Variants in CELF2 observed in about 807,000 individuals in gnomAD.
The protein encoded by CELF2 is CUGBP Elav-like family member 2.
Under a neutral mutation model 62.6 loss-of-function variants are expected in CELF2, and 8 were observed. The observed-to-expected ratio is 0.13, with a 90% CI of 0.07 to 0.23. The LOEUF (loss-of-function observed/expected upper bound fraction) is 0.23, where lower values mean the gene tolerates loss of function less well. Ranked by LOEUF, CELF2 falls within the 10% of genes least tolerant of loss-of-function variation. CELF2 has a pLI of 1.00. For missense variants in CELF2, 333 were observed against 671.0 expected (o/e 0.50, Z 5.56); for synonymous variants, 258 against 250.0 (o/e 1.03, Z -0.30).
intron 1 of CELF2, among the ~76,000 whole-genome samples, chr10:11,068,585 G>C (rs2068792079): frequency 6.6e-6 from 1 of 151,518 alleles, no homozygotes; most frequent in Non-Finnish European, 1.5e-5. Context: ...TTTTGAGACG[G>C]AGTCTTGCTC....
chr10:10,956,775 A>G (rs2048948158), intron 2 of CELF2, among the ~76,000 whole-genome samples: 1 of 152,034 alleles, frequency 6.6e-6, no homozygotes, highest in Non-Finnish European at 1.5e-5. Context: ...AAAAAGAAAA[A>G]AAAATTTAAT....
the CELF2 span, among the ~76,000 whole-genome samples, chr10:10,614,496 AAAACT>A: frequency 6.6e-6 from 1 of 152,162 alleles, no homozygotes; most frequent in Admixed American, 6.5e-5. Context: ...TAAACAAAAC[AAAACT>A]AAACTAAAGT....
At position 11,318,156 on chromosome 10, in the gene CELF2, G is replaced by A. The variant is rs918559485; in HGVS notation, c.1097-3033G>A. 10 of 153,312 alleles carry A rather than the reference G, an allele frequency of 6.5e-5. No individual in the cohort carries two copies. Among genetic ancestry groups the A allele is most frequent in the African/African-American group, 1.9e-4 (8 of 41,564 alleles). 9.5% of individuals were successfully genotyped at this position (153,312 alleles called of 1,614,324 possible). A position where few individuals can be genotyped will look rare whatever the true frequency, so the allele number is the denominator to read the frequency against. On this transcript the variant is annotated intron_variant, in intron 10 of 12. Coordinates refer to ENST00000633077, the MANE Select transcript of CELF2 (RefSeq NM_001326342.2). This position sits in a 1 kb window ranked among gnomAD's most constrained non-coding sequence, Gnocchi z 5.4. ...AGGTGACTCACAGGAACTGTTCTCA[G>A]AAGTGGAAGGCCGCCTCTGATTGTT...
intron 3 of CELF2, among the ~76,000 whole-genome samples, chr10:11,230,020 C>T (rs1011213374): frequency 2.6e-5 from 4 of 152,178 alleles, no homozygotes; most frequent in African/African-American, 9.7e-5. Context: ...CTTCCGCTTT[C>T]ATCTGGATGT....
chr10:10,730,243 A>G, the CELF2 span, among the ~76,000 whole-genome samples: 113,663 of 152,096 alleles, frequency 0.75, 42,575 homozygotes, highest in South Asian at 0.82. Flanking sequence ...TTGGGAGGCC[A>G]AAGTAGGTGG....
At chr10:10,696,342 A>C in the CELF2 span, among the ~76,000 whole-genome samples, 1 of 151,746 alleles carries the variant, frequency 6.6e-6, no homozygotes, top group South Asian at 2.1e-4. Flanking sequence ...GACCCACTTG[A>C]GGAGGCAGTC....
At chr10:10,763,678 A>G in the CELF2 span, among the ~76,000 whole-genome samples, 1 of 152,230 alleles carries the variant, frequency 6.6e-6, no homozygotes, top group African/African-American at 2.4e-5. Flanking sequence ...ATGAGGCACG[A>G]ACGCGGGAAC....
chr10:11,209,568 T>TA (rs200836163), intron 2 of CELF2, among the ~76,000 whole-genome samples: 10 of 80,064 alleles, frequency 1.2e-4, no homozygotes, highest in African/African-American at 4.4e-4. Flanking sequence ...AGGACTACTC[T>TA]TTTTTTTTTT....
In CELF2 at chr10:11,224,061, T is replaced by C. The variant is rs751696426; in HGVS notation, c.354+6554T>C. 1.3e-5 allele frequency among the ~76,000 whole-genome samples: 2 copies of C among 152,198 alleles called. No individual in the cohort carries two copies. The highest frequency in any genetic ancestry group is 2.9e-5 in the Non-Finnish European group (2 of 68,030). On this transcript the variant is annotated intron_variant, in intron 3 of 12. Coordinates refer to ENST00000633077, the MANE Select transcript of CELF2 (RefSeq NM_001326342.2). This position sits in a 1 kb window ranked among gnomAD's most constrained non-coding sequence, Gnocchi z 4.5. ...TAGTTATTTTTAAAGCATGGCCTAC[T>C]CGGTATAAGGAATTGTACGAGAGAA...
rs546522020 is a variant in CELF2, at chr10:11,335,141, C to T, written c.*6088C>T. 6.6e-6 allele frequency: 1 copy of T among 152,478 alleles called. No homozygotes were observed. Among genetic ancestry groups the T allele is most frequent in the Non-Finnish European group, 1.5e-5 (1 of 68,066 alleles). The allele number at this position is 152,478 out of a possible 1,614,324, so 9.4% of individuals were successfully genotyped here. ...TAATAACGCCATACGCATCCACACA[C>T]TCCCTCCTGGATGAACCTAAGTCTC... On this transcript the variant is annotated 3_prime_UTR_variant, in exon 13 of 13. Transcript: ENST00000633077. The surrounding 1 kb of genome is among the most constrained non-coding windows in gnomAD (Gnocchi z 5.0).
At chr10:10,618,552 C>T in the CELF2 span, among the ~76,000 whole-genome samples, 3 of 152,236 alleles carry the variant, frequency 2.0e-5, 1 homozygote, top group Non-Finnish European at 4.4e-5. Flanking sequence ...GACCATTCCT[C>T]ATGGCAACGC....
chr10:10,606,630 C>G, the CELF2 span, among the ~76,000 whole-genome samples: 1 of 152,112 alleles, frequency 6.6e-6, no homozygotes, highest in Non-Finnish European at 1.5e-5. Flanking sequence ...AAACTTGGTT[C>G]TTTGTAACAT....
At chr10:10,745,515 C>G in the CELF2 span, among the ~76,000 whole-genome samples, 1 of 152,212 alleles carries the variant, frequency 6.6e-6, no homozygotes, top group South Asian at 2.1e-4. Flanking sequence ...CCCAACAGAG[C>G]AGCCTGTCTC....
the CELF2 span, among the ~76,000 whole-genome samples, chr10:10,664,254 A>T: frequency 5.9e-5 from 9 of 152,238 alleles, no homozygotes; most frequent in Admixed American, 4.6e-4. Flanking sequence ...GAGATGATGC[A>T]AGAAGAGAAA....
rs574993138 is a variant in CELF2 at position 11,159,233 on chromosome 10, C to T, written c.75-6253C>T. On this transcript the variant is annotated intron_variant, in intron 1 of 12. Transcript: ENST00000633077. The surrounding 1 kb of genome is among the most constrained non-coding windows in gnomAD (Gnocchi z 5.0). The stretch of plus-strand genomic sequence containing the variant: ...AAATAGGGGAGTGTCATTATTTTCA[C>T]ATATTTTTGGTGGCGTAACTGATAA... 3.5e-4 allele frequency among the ~76,000 whole-genome samples: 54 copies of T among 152,308 alleles called. No individual in the cohort carries two copies. The highest frequency in any genetic ancestry group is 1.9e-3 in the South Asian group (9 of 4,828).
chr10:10,610,379 C>T, the CELF2 span, among the ~76,000 whole-genome samples: 1 of 152,190 alleles, frequency 6.6e-6, no homozygotes, highest in East Asian at 1.9e-4. Context: ...ACTCAAAAAA[C>T]AAAATTTTTC....
At chr10:11,007,953 G>T (rs926512189) in intron 1 of CELF2, among the ~76,000 whole-genome samples, 3 of 152,120 alleles carry the variant, frequency 2.0e-5, no homozygotes, top group Non-Finnish European at 4.4e-5. Context: ...TTCTCACTTT[G>T]TTTGCTTTTC....
At chr10:11,264,334 T>C (rs148102148) in intron 5 of CELF2, among the ~76,000 whole-genome samples, 3 of 152,388 alleles carry the variant, frequency 2.0e-5, no homozygotes, top group Non-Finnish European at 2.9e-5. Flanking sequence ...CTGTGCCTTA[T>C]TGATTTTTGT....
intron 2 of CELF2, among the ~76,000 whole-genome samples, chr10:10,920,173 G>A (rs1440855527): frequency 6.6e-6 from 1 of 152,178 alleles, no homozygotes; most frequent in African/African-American, 2.4e-5. Flanking sequence ...ACATATACAT[G>A]ATGTAACCAG....
Sources: allele counts gnomAD v4.1 joint callset (sites outside exome capture counted in the v4.1 genomes callset), GRCh38; gene constraint gnomAD v4.1.1; non-coding constraint Gnocchi (gnomAD v3.1); transcripts MANE v1.5; gene names NCBI Gene and HGNC (gene_info 2026-07-23, HGNC 2026-07-21).